The following ASAH2 variants were observed in gnomAD, a reference collection of about 807,000 sequenced individuals.
ASAH2 encodes the protein neutral ceramidase.
ASAH2 carries 58 observed loss-of-function variants against 82.9 expected under a neutral mutation model. That is an observed-to-expected ratio of 0.70 (90% CI 0.57 to 0.87). ASAH2 has a LOEUF of 0.87. Among genes scored for constraint, ASAH2 ranks in the 40% least tolerant of loss-of-function variants. ASAH2 has a pLI of 0.00. For synonymous variants in ASAH2, 276 were observed against 289.7 expected (o/e 0.95, Z 0.48); for missense variants, 779 against 834.0 (o/e 0.93, Z 0.81).
intron 12 of ASAH2, among the ~76,000 whole-genome samples, chr10:50,210,612 C>T (rs1845426538): frequency 6.6e-6 from 1 of 152,010 alleles, no homozygotes; most frequent in Non-Finnish European, 1.5e-5. Context: ...ATTAAGTGTC[C>T]AGAATAGGAA....
Position 50,211,136 on chromosome 10 carries a change from T to C in ASAH2, c.1228-2A>G. 6.2e-7 allele frequency: 1 copy of C among 1,606,282 alleles called. No individual in the cohort carries two copies. Among genetic ancestry groups the C allele is most frequent in the Non-Finnish European group, 8.5e-7 (1 of 1,173,092 alleles). On this transcript the variant is annotated splice_acceptor_variant, in intron 10 of 20. Coordinates refer to ENST00000682911, the MANE Select transcript of ASAH2 (RefSeq NM_019893.4). LOFTEE classifies it high-confidence loss of function. ...CTGGGAGGCAGAGGCATAGAGTTCC[T>C]AGAAAACACACAGGCTTATTATTCC... is the stretch of plus-strand genomic sequence containing the variant.
chr10:50,244,758 A>G (rs1447086530), intron 3 of ASAH2, among the ~76,000 whole-genome samples: 2 of 152,176 alleles, frequency 1.3e-5, no homozygotes, highest in Non-Finnish European at 2.9e-5. Context: ...GGCTTCTTTT[A>G]AAAAACTGCA....
chr10:50,193,863 T>C (rs1844906451), intron 18 of ASAH2, among the ~76,000 whole-genome samples: 1 of 151,792 alleles, frequency 6.6e-6, no homozygotes, highest in African/African-American at 2.4e-5. Context: ...CAACAACTTT[T>C]ATATTACACC....
chr10:50,221,032 C>A (rs1845730771), intron 7 of ASAH2, among the ~76,000 whole-genome samples: 1 of 152,098 alleles, frequency 6.6e-6, no homozygotes. Context: ...AATGTCAAGC[C>A]AAATCACCAA....
At chr10:50,244,788 C>T (rs1057125920) in intron 3 of ASAH2, among the ~76,000 whole-genome samples, 5 of 152,086 alleles carry the variant, frequency 3.3e-5, no homozygotes, top group South Asian at 2.1e-4. Flanking sequence ...AGCCCTGAGC[C>T]CCCATTTCTT....
intron 10 of ASAH2, among the ~76,000 whole-genome samples, chr10:50,211,480 A>G (rs1412604294): frequency 6.6e-6 from 1 of 152,184 alleles, no homozygotes; most frequent in East Asian, 1.9e-4. Flanking sequence ...TTTCTTTGCT[A>G]GAGTGAGAGT....
intron 20 of ASAH2, among the ~76,000 whole-genome samples, chr10:50,189,055 C>T (rs1340286304): frequency 6.9e-6 from 1 of 145,624 alleles, no homozygotes; most frequent in Non-Finnish European, 1.5e-5. Context: ...GTTTTAGTAA[C>T]TCAAATGAAG....
intron 16 of ASAH2, among the ~76,000 whole-genome samples, chr10:50,201,101 G>A (rs1030914664): frequency 3.9e-5 from 6 of 151,974 alleles, no homozygotes; most frequent in African/African-American, 1.4e-4. Flanking sequence ...GGCTGTGGAT[G>A]GTTGGAGAAG....
chr10:50,212,607 T>TA (rs1021141596), intron 10 of ASAH2, among the ~76,000 whole-genome samples: 1 of 152,152 alleles, frequency 6.6e-6, no homozygotes, highest in Non-Finnish European at 1.5e-5. Flanking sequence ...GCAAAGGCCT[T>TA]AAAGACTTCT....
rs557025724 is a variant in ASAH2 at position 50,214,965 on chromosome 10, T to C, written c.1015-97A>G. Reference sequence around the variant, plus strand: ...ACATTAAATCCACTCTGGCAAACTATTCAAAATCATTTGCAGGCAATAAAA... The same window carrying C: ...ACATTAAATCCACTCTGGCAAACTACTCAAAATCATTTGCAGGCAATAAAA... On this transcript the variant is annotated intron_variant, in intron 8 of 20. Coordinates refer to ENST00000682911, the MANE Select transcript of ASAH2 (RefSeq NM_019893.4). The C allele has an allele frequency of 2.9e-3, 4,180 of 1,462,672 alleles. 70 individuals are homozygous for C. The East Asian group carries it at 0.03, about 10-fold the overall frequency. 90.6% of individuals were successfully genotyped at this position (1,462,672 alleles called of 1,614,324 possible).
At chr10:50,235,731 A>T (rs1266658640) in intron 5 of ASAH2, among the ~76,000 whole-genome samples, 157 bp downstream of exon 5, 2 of 152,092 alleles carry the variant, frequency 1.3e-5, no homozygotes, top group African/African-American at 4.8e-5. Context: ...GCTCAGAACA[A>T]GAAGCTAAGA....
At chr10:50,189,010 C>G (rs1170755154) in intron 20 of ASAH2, among the ~76,000 whole-genome samples, 1 of 143,740 alleles carries the variant, frequency 7.0e-6, no homozygotes, top group Non-Finnish European at 1.5e-5. Context: ...TCTCCTCACT[C>G]AAGTCATTAA....
intron 18 of ASAH2, among the ~76,000 whole-genome samples, chr10:50,194,386 A>G (rs1442131867): frequency 6.6e-6 from 1 of 151,686 alleles, no homozygotes; most frequent in Non-Finnish European, 1.5e-5. Context: ...AAAAGACAAA[A>G]CCACATTGTC....
chr10:50,211,801 C>T (rs1319914325), intron 10 of ASAH2, among the ~76,000 whole-genome samples: 2 of 152,168 alleles, frequency 1.3e-5, no homozygotes, highest in Non-Finnish European at 2.9e-5. Context: ...CATTTCCACT[C>T]TGTCCCCACC....
chr10:50,193,358 G>A (rs1844892588), intron 18 of ASAH2, among the ~76,000 whole-genome samples: 1 of 151,272 alleles, frequency 6.6e-6, no homozygotes, highest in Admixed American at 6.6e-5. Flanking sequence ...ATATGGAGCT[G>A]GGTGTCCACA....
intron 4 of ASAH2, among the ~76,000 whole-genome samples, chr10:50,238,682 G>A (rs765882880): frequency 0.34 from 51,445 of 151,946 alleles, 10,643 homozygotes; most frequent in Non-Finnish European, 0.45. Flanking sequence ...AAAGAGCCAC[G>A]AGTCAACTTT....
At chr10:50,241,403 C>T (rs1846290582) in intron 4 of ASAH2, among the ~76,000 whole-genome samples, 1 of 151,968 alleles carries the variant, frequency 6.6e-6, no homozygotes, top group South Asian at 2.1e-4. Context: ...ATAGTCCTTC[C>T]TTCTATCCAC....
intron 12 of ASAH2, among the ~76,000 whole-genome samples, chr10:50,206,322 C>T (rs1005504913): frequency 2.6e-5 from 4 of 151,820 alleles, no homozygotes; most frequent in African/African-American, 7.3e-5. Context: ...GTCAAGAGAA[C>T]GACAGAGTAT....
At chr10:50,230,458 G>A (rs1845993775) in intron 7 of ASAH2, among the ~76,000 whole-genome samples, 1 of 152,080 alleles carries the variant, frequency 6.6e-6, no homozygotes, top group Non-Finnish European at 1.5e-5. Context: ...TTACTTAGCA[G>A]CCCACATTTG....
Sources: allele counts gnomAD v4.1 joint callset (sites outside exome capture counted in the v4.1 genomes callset), GRCh38; gene constraint gnomAD v4.1.1; transcripts MANE v1.5; gene names NCBI Gene and HGNC (gene_info 2026-07-23, HGNC 2026-07-21).